Variants in USP6NL observed in about 807,000 individuals in gnomAD.
USP6NL encodes the protein USP6 N-terminal like, also known as USP6 N-terminal-like protein.
USP6NL carries 26 observed loss-of-function variants against 61.9 expected under a neutral mutation model. That is an observed-to-expected ratio of 0.42 (90% CI 0.31 to 0.58). The LOEUF is 0.58. Ranked by LOEUF, USP6NL falls within the 20% of genes least tolerant of loss-of-function variation. USP6NL has a pLI of 0.16. For missense variants in USP6NL, 1,114 were observed against 1,034.3 expected (o/e 1.08, Z -1.06); for synonymous variants, 432 against 390.1 (o/e 1.11, Z -1.27).
intron 2 of USP6NL, among the ~76,000 whole-genome samples, chr10:11,568,999 C>T (rs1267746876): frequency 6.6e-6 from 1 of 152,202 alleles, no homozygotes; most frequent in Non-Finnish European, 1.5e-5. Flanking sequence ...TGAACACTGT[C>T]TGTCACAAGC....
chr10:11,522,942 G>A (rs1038173157), intron 4 of USP6NL, among the ~76,000 whole-genome samples: 2 of 152,156 alleles, frequency 1.3e-5, no homozygotes, highest in South Asian at 2.1e-4. Flanking sequence ...ATACAACATC[G>A]GCAAGTTACT....
At position 11,574,662 on chromosome 10, in the gene USP6NL, T is replaced by C. The variant is rs1837478151; in HGVS notation, c.4+22969A>G. On this transcript the variant is annotated intron_variant, in intron 2 of 14. Coordinates refer to ENST00000609104, the MANE Select transcript of USP6NL (RefSeq NM_014688.5). This position sits in a 1 kb window ranked among gnomAD's most constrained non-coding sequence, Gnocchi z 4.3. ...CACCAGCAATTTGTTCCTCTTACTG[T>C]ACTGCCAATTTTCCTCTCCTATTTT... Among the ~76,000 whole-genome samples, 2 of 152,244 alleles carry C rather than the reference T, an allele frequency of 1.3e-5. No individual in the cohort carries two copies.
At chr10:11,555,260 C>T (rs1836648119) in intron 2 of USP6NL, among the ~76,000 whole-genome samples, 1 of 147,172 alleles carries the variant, frequency 6.8e-6, no homozygotes, top group African/African-American at 2.5e-5. Flanking sequence ...TACTAAAGTA[C>T]AAAAATTAGC....
intron 2 of USP6NL, among the ~76,000 whole-genome samples, chr10:11,579,467 C>G (rs147760975): frequency 1.3e-5 from 2 of 152,322 alleles, no homozygotes; most frequent in African/African-American, 4.8e-5. Context: ...CAATTACATG[C>G]AGTGCGCACA....
In USP6NL at chr10:11,463,882, T is replaced by C; in HGVS notation, c.1079-33A>G. ...GAAAGAGAAAGGCTAAGTAAGATAA[T>C]ACACGAGTAAACAGTAGCCAGTTGA... On this transcript the variant is annotated intron_variant, in intron 14 of 14. Transcript: ENST00000609104. This position sits in a 1 kb window ranked among gnomAD's most constrained non-coding sequence, Gnocchi z 6.3. The C allele has an allele frequency of 1.4e-6, 2 of 1,452,902 alleles. No individual in the cohort carries two copies. Among genetic ancestry groups the C allele is most frequent in the Non-Finnish European group, 1.8e-6 (2 of 1,099,918 alleles). 90.0% of individuals were successfully genotyped at this position (1,452,902 alleles called of 1,614,324 possible).
chr10:11,572,973 T>C (rs1837415344), intron 2 of USP6NL, among the ~76,000 whole-genome samples: 1 of 152,150 alleles, frequency 6.6e-6, no homozygotes, highest in Non-Finnish European at 1.5e-5. Flanking sequence ...AAGTTAGACA[T>C]GCAATTTTAA....
intron 2 of USP6NL, among the ~76,000 whole-genome samples, chr10:11,531,694 C>G (rs913990841): frequency 6.6e-6 from 1 of 151,254 alleles, no homozygotes; most frequent in African/African-American, 2.4e-5. Context: ...ACTACATTAT[C>G]CAAGCCAAAT....
chr10:11,577,389 GATTT>G (rs1427217402), intron 2 of USP6NL, among the ~76,000 whole-genome samples: 5 of 152,098 alleles, frequency 3.3e-5, no homozygotes, highest in Admixed American at 2.6e-4. Flanking sequence ...TCTTTCATTA[GATTT>G]ATTTCTATTT....
At chr10:11,571,670 T>C (rs1005937652) in intron 2 of USP6NL, among the ~76,000 whole-genome samples, 7 of 151,858 alleles carry the variant, frequency 4.6e-5, no homozygotes, top group South Asian at 2.1e-4. Context: ...AATTCTCTTC[T>C]TAGGGGTCAG....
rs1180543477 is a variant in USP6NL, at chr10:11,602,543, A to G, written c.-83-4826T>C. Among the ~76,000 whole-genome samples, 1 of 152,178 alleles carries G rather than the reference A, an allele frequency of 6.6e-6. No individual in the cohort carries two copies. Among genetic ancestry groups the G allele is most frequent in the African/African-American group, 2.4e-5 (1 of 41,444 alleles). On this transcript the variant is annotated intron_variant, in intron 1 of 14. Transcript: ENST00000609104. The surrounding 1 kb of genome is among the most constrained non-coding windows in gnomAD (Gnocchi z 4.8). ...CCAAGTCTCTCGCATCATGGAATGT[A>G]CAGCACAGTAATTTCAGTACCCTCC...
At chr10:11,572,032 T>C (rs1170044766) in intron 2 of USP6NL, among the ~76,000 whole-genome samples, 2 of 151,626 alleles carry the variant, frequency 1.3e-5, no homozygotes, top group Non-Finnish European at 2.9e-5. Flanking sequence ...CCACATGATG[T>C]TTCCTGTAAT....
rs1243315968 is a variant in USP6NL, at chr10:11,561,940, G to A, written c.5-34373C>T. ...CTCAAACAATGTAATTTCCTATCCA[G>A]TATTCTCTCATCTTCCTAAAAGAAT... is the stretch of plus-strand genomic sequence containing the variant. On this transcript the variant is annotated intron_variant, in intron 2 of 14. Transcript: ENST00000609104. The surrounding 1 kb of genome is among the most constrained non-coding windows in gnomAD (Gnocchi z 4.1). Among the ~76,000 whole-genome samples the A allele has an allele frequency of 6.6e-6, 1 of 152,202 alleles. No individual in the cohort carries two copies. Among genetic ancestry groups the A allele is most frequent in the South Asian group, 2.1e-4 (1 of 4,816 alleles).
intron 2 of USP6NL, chr10:11,563,608 T>A (rs1260049330): frequency 1.3e-5 from 2 of 152,160 alleles, no homozygotes. Flanking sequence ...TTCCTATGAA[T>A]CCATAATTAT....
chr10:11,477,951 CAGAT>C (rs761639160), intron 14 of USP6NL, among the ~76,000 whole-genome samples: 72 of 152,176 alleles, frequency 4.7e-4, no homozygotes, highest in Admixed American at 9.8e-4. Context: ...TTCTAAAAAA[CAGAT>C]AGGATGCATG....
At chr10:11,604,706 C>T (rs1838652989) in intron 1 of USP6NL, among the ~76,000 whole-genome samples, 1 of 152,110 alleles carries the variant, frequency 6.6e-6, no homozygotes, top group African/African-American at 2.4e-5. Context: ...TAAAAAAATT[C>T]CAGAAATTTA....
intron 5 of USP6NL, among the ~76,000 whole-genome samples, chr10:11,514,566 C>T (rs1456924943): frequency 6.6e-6 from 1 of 152,122 alleles, no homozygotes; most frequent in African/African-American, 2.4e-5. Flanking sequence ...GTGGCAATGT[C>T]TCCCCTTCAA....
At chr10:11,512,424 C>T (rs530679127) in intron 5 of USP6NL, among the ~76,000 whole-genome samples, 1 of 152,158 alleles carries the variant, frequency 6.6e-6, no homozygotes, top group Non-Finnish European at 1.5e-5. Context: ...TAGATGAAAA[C>T]AGAAGCTCCC....
chr10:11,473,215 G>A (rs568681648), intron 14 of USP6NL, among the ~76,000 whole-genome samples: 1 of 147,936 alleles, frequency 6.8e-6, no homozygotes, highest in Non-Finnish European at 1.5e-5. Flanking sequence ...AATACATTAG[G>A]ATTTCATTTA....
At chr10:11,521,439 G>A (rs769928952) in intron 4 of USP6NL, among the ~76,000 whole-genome samples, 4 of 149,262 alleles carry the variant, frequency 2.7e-5, no homozygotes, top group African/African-American at 7.4e-5. Flanking sequence ...GGAGTGCAAC[G>A]GTGCGATCTC....
Sources: gnomAD v4.1 joint callset for allele counts (sites outside exome capture counted in the v4.1 genomes callset) on GRCh38, gnomAD v4.1.1 for gene constraint, Gnocchi (gnomAD v3.1) non-coding constraint, MANE v1.5 for transcripts, NCBI Gene and HGNC (gene_info 2026-07-23, HGNC 2026-07-21) for gene names.